NEB: variants seen among roughly 807,000 people sequenced by gnomAD.
The protein encoded by NEB is nebulin.
NEB carries 512 observed loss-of-function variants against 952.2 expected under a neutral mutation model. That is an observed-to-expected ratio of 0.54 (90% CI 0.50 to 0.58). The LOEUF (loss-of-function observed/expected upper bound fraction) is 0.58, where lower values mean the gene tolerates loss of function less well. NEB is among the 20% of genes least tolerant of loss of function. NEB has a pLI of 0.00. For missense variants in NEB, 8,428 were observed against 9,231.1 expected (o/e 0.91, Z 3.56); for synonymous variants, 2,900 against 3,149.8 (o/e 0.92, Z 2.66).
chr2:151,638,294 C>T (rs761257936), intron 63 of NEB, among the ~76,000 whole-genome samples: 13 of 152,160 alleles, frequency 8.5e-5, no homozygotes, highest in South Asian at 6.2e-4. Flanking sequence ...AGAGGAAATA[C>T]GATAGTTAAG....
intron 135 of NEB, among the ~76,000 whole-genome samples, chr2:151,544,534 G>C (rs531108520): frequency 2.6e-5 from 4 of 152,354 alleles, no homozygotes; most frequent in Admixed American, 2.6e-4. Flanking sequence ...TACTGAGCCA[G>C]AGTGGAAAAG....
At position 151,562,151 on chromosome 2, in the gene NEB, G is replaced by C; in HGVS notation, c.18955C>G (p.Gln6319Glu). Residue 6319 changes from glutamine (Q) to glutamate (E), a missense_variant, in exon 121 of 182, where the codon CAA (glutamine) becomes GAA (glutamate). Physicochemically the swap from Gln to Glu is conservative, Grantham distance 29. Coordinates refer to ENST00000397345, the MANE Select transcript of NEB (RefSeq NM_001164508.2). ...TATGATTTCTTGGCATGGAGGATTTGGGGTGTATCCCAAACGTAGCAACCA... is the reference window on the plus strand; with the variant it reads ...TATGATTTCTTGGCATGGAGGATTTCGGGTGTATCCCAAACGTAGCAACCA... Reference protein sequence around the residue: ...GIGCYVWDTPQILHAKKSYDL... With the variant: ...GIGCYVWDTPEILHAKKSYDL... 1 of 1,613,552 alleles carries C rather than the reference G, an allele frequency of 6.2e-7. No homozygotes were observed. The highest frequency in any genetic ancestry group is 1.1e-5 in the South Asian group (1 of 91,066).
At chr2:151,659,304 T>G (rs1487448902) in intron 46 of NEB, 135 bp from the exon 47 acceptor site, 1 of 532,408 alleles carries the variant, frequency 1.9e-6, no homozygotes, top group Non-Finnish European at 3.2e-6. Flanking sequence ...ATTTATTTAT[T>G]TATTATTTTT....
chr2:151,502,283 G>C (rs572757495), intron 167 of NEB, among the ~76,000 whole-genome samples: 1 of 152,026 alleles, frequency 6.6e-6, no homozygotes, highest in South Asian at 2.1e-4. Flanking sequence ...TACTGCTTGG[G>C]TGATGGGTGC....
chr2:151,562,467 A>G (rs2096128134), intron 120 of NEB, 144 bp downstream of exon 120: 1 of 810,512 alleles, frequency 1.2e-6, no homozygotes, highest in African/African-American at 1.7e-5. Flanking sequence ...TTATACCAAA[A>G]AGTGGCTCAT....
intron 156 of NEB, 120 bp from the exon 157 acceptor site, chr2:151,516,683 A>G: frequency 1.4e-6 from 1 of 714,584 alleles, no homozygotes; most frequent in Non-Finnish European, 2.5e-6. Flanking sequence ...TTGCCACTCA[A>G]AACAGTTTCC....
chr2:151,640,748 T>A, intron 60 of NEB, 82 bp from the exon 61 acceptor site: 1 of 1,343,506 alleles, frequency 7.4e-7, no homozygotes, highest in Admixed American at 2.6e-5. Flanking sequence ...CTCTATTTAT[T>A]AAAAAAAAAA....
Position 151,555,003 on chromosome 2 carries a change from A to G in NEB, c.19356T>C (p.Tyr6452=), listed in dbSNP as rs761666021. 1 of 1,613,796 alleles carries G rather than the reference A, an allele frequency of 6.2e-7. No individual in the cohort carries two copies. Among genetic ancestry groups the G allele is most frequent in the African/African-American group, 1.3e-5 (1 of 75,058 alleles). ...CATCGTCAACACTTCTTGGTAACGT[A>G]TAAAGAGCTTTGAACTTTTCATATT... ...REEYEKFKAL[Y]TLPRSVDDDP... The change falls in exon 125 of 182, where the codon TAT becomes TAC. Residue 6452 remains tyrosine, a synonymous_variant. Coordinates refer to ENST00000397345, the MANE Select transcript of NEB (RefSeq NM_001164508.2).
At chr2:151,662,422 C>T in intron 45 of NEB, 81 bp from the exon 46 acceptor site, 3 of 1,207,784 alleles carry the variant, frequency 2.5e-6, no homozygotes, top group Admixed American at 5.0e-5. Context: ...CATTCTGTAA[C>T]TTCCATTTCA....
intron 4 of NEB, among the ~76,000 whole-genome samples, chr2:151,729,067 T>C (rs2099799037): frequency 1.3e-5 from 1 of 75,238 alleles, no homozygotes; most frequent in Non-Finnish European, 4.8e-5. Flanking sequence ...TATTTCACCT[T>C]GAAAAAAAAA....
In NEB at chr2:151,627,174, C is replaced by T. The variant is rs2154058460; in HGVS notation, c.10175G>A (p.Arg3392Lys). 2.5e-6 allele frequency: 4 copies of T among 1,613,926 alleles called. No homozygotes were observed. Among genetic ancestry groups the T allele is most frequent in the Middle Eastern group, 1.7e-4 (1 of 6,060 alleles). Residue 3392 changes from arginine (R) to lysine (K), a missense_variant, in exon 70 of 182, where the codon AGA (arginine) becomes AAA (lysine). By Grantham distance (26) the Arg-to-Lys change is conservative. This residue lies in a region of NEB where 1,772 missense variants were observed against 1,960.3 expected (regional missense o/e 0.90). Transcript: ENST00000397345. ...NIYKSDLQWLRGIGWVPIGSM... is the reference protein window; with the variant it reads ...NIYKSDLQWLKGIGWVPIGSM... ...CCCAATGGGGACCCAGCCAATGCCT[C>T]TCAGCCACTGGAGATCAGATTTGTA...
chr2:151,679,707 A>G lies in NEB; in HGVS notation c.3255+14T>C. ...ATTTTCTAGTTGCCCATGTATGACC[A>G]CAGCTGGACTTACGTCACTCGCCGC... On this transcript the variant is annotated intron_variant, in intron 32 of 181. Coordinates refer to ENST00000397345, the MANE Select transcript of NEB (RefSeq NM_001164508.2). The G allele has an allele frequency of 7.7e-7, 1 of 1,302,570 alleles. No homozygotes were observed. The highest frequency in any genetic ancestry group is 1.0e-6 in the Non-Finnish European group (1 of 953,592). 80.7% of individuals were successfully genotyped at this position (1,302,570 alleles called of 1,614,324 possible).
intron 167 of NEB, among the ~76,000 whole-genome samples, chr2:151,502,588 A>C (rs2065565986): frequency 6.6e-6 from 1 of 152,138 alleles, no homozygotes; most frequent in African/African-American, 2.4e-5. Flanking sequence ...TTTTTAAAGA[A>C]AGTGATAAAT....
chr2:151,499,183 A>G, intron 169 of NEB, 115 bp downstream of exon 169: 1 of 555,966 alleles, frequency 1.8e-6, no homozygotes, highest in East Asian at 3.2e-5. Context: ...TTAAGTTGGG[A>G]AAAAGACAGG....
chr2:151,717,481 A>T lies in NEB; in HGVS notation c.757T>A (p.Phe253Ile). Residue 253 changes from phenylalanine to isoleucine, a missense_variant, in exon 10 of 182, where the codon TTC becomes ATC. Transcript: ENST00000397345. ...KKGLAEQQAQ[F>I]TPLADPPDIE... is the part of the protein sequence containing the mutation. The stretch of plus-strand genomic sequence containing the variant: ...TCTGGAGGATCAGCCAGAGGCGTGA[A>T]TTGAGCTTGCTGTTCAGCGAGACCT... 3 of 1,613,998 alleles carry T rather than the reference A, an allele frequency of 1.9e-6. 1 individual carries two copies. The South Asian group carries it at 3.3e-5, about 18-fold the overall frequency.
In NEB at chr2:151,502,810, G is replaced by A. The variant is rs762540149; in HGVS notation, c.23911C>T (p.Gln7971Ter). The part of the protein sequence containing the change: ...TPEMERVKRN[Q>*]ENFSSILYKE... ...AGAAATACCGAGCTAAAGTTCTCTT[G>A]ATTGCGTTTGACTCTCTCCATCTCT... The change falls in exon 167 of 182, where the codon CAA becomes TAA. Residue 7971 changes from glutamine (Q) to a stop codon, truncating the protein, a stop_gained. Transcript: ENST00000397345. LOFTEE classifies it high-confidence loss of function. 1.9e-6 allele frequency: 3 copies of A among 1,599,826 alleles called. No homozygotes were observed. Among genetic ancestry groups the A allele is most frequent in the Non-Finnish European group, 1.7e-6 (2 of 1,171,370 alleles).
At chr2:151,515,421 C>T (rs2077171960) in intron 157 of NEB, among the ~76,000 whole-genome samples, 1 of 152,110 alleles carries the variant, frequency 6.6e-6, no homozygotes, top group Admixed American at 6.5e-5. Context: ...CTATGATGCC[C>T]AGGCTGGTCT....
chr2:151,659,242 A>G, intron 46 of NEB, 73 bp from the exon 47 acceptor site: 1 of 791,034 alleles, frequency 1.3e-6, no homozygotes, highest in Non-Finnish European at 2.1e-6. Context: ...ATATCATTGT[A>G]CATATATATC....
At chr2:151,494,290 A>G (rs2058655552) in intron 173 of NEB, 37 bp from the exon 174 acceptor site, 2 of 1,398,368 alleles carry the variant, frequency 1.4e-6, no homozygotes, top group South Asian at 1.3e-5. Flanking sequence ...GCCAAAAAGA[A>G]AAAGAGTTAA....
Sources: allele counts gnomAD v4.1 joint callset (sites outside exome capture counted in the v4.1 genomes callset), GRCh38; gene constraint gnomAD v4.1.1; regional missense constraint gnomAD v4.1.1; transcripts MANE v1.5; gene names NCBI Gene and HGNC (gene_info 2026-07-23, HGNC 2026-07-21).